Variants in ZNF385D observed in about 807,000 individuals in gnomAD.
ZNF385D encodes the protein zinc finger protein 385D.
ZNF385D carries 15 observed loss-of-function variants against 35.8 expected under a neutral mutation model. The observed-to-expected ratio is 0.42, with a 90% CI of 0.28 to 0.64. ZNF385D has a LOEUF of 0.64. Ranked by LOEUF, ZNF385D falls within the 30% of genes least tolerant of loss-of-function variation. The pLI is 0.23. For missense variants in ZNF385D, 474 were observed against 494.6 expected (o/e 0.96, Z 0.39); for synonymous variants, 212 against 186.8 (o/e 1.13, Z -1.10).
intron 3 of ZNF385D, among the ~76,000 whole-genome samples, chr3:21,793,442 A>G (rs2072011872): frequency 6.6e-6 from 1 of 152,234 alleles, no homozygotes; most frequent in Non-Finnish European, 1.5e-5. Context: ...AATGTATTTG[A>G]AATGCAGATT....
intron 3 of ZNF385D, among the ~76,000 whole-genome samples, chr3:22,058,155 T>C (rs952657275): frequency 6.6e-6 from 1 of 152,072 alleles, no homozygotes; most frequent in Non-Finnish European, 1.5e-5. Context: ...AAAGTATTGG[T>C]AACTCATAAG....
At chr3:21,930,565 T>A (rs1158539169) in intron 3 of ZNF385D, among the ~76,000 whole-genome samples, 1 of 152,098 alleles carries the variant, frequency 6.6e-6, no homozygotes, top group East Asian at 1.9e-4. Context: ...AGAACTTATA[T>A]TTATCAATTG....
At chr3:21,796,184 C>A (rs1606852) in intron 3 of ZNF385D, among the ~76,000 whole-genome samples, 38,523 of 152,004 alleles carry the variant, frequency 0.25, 4,950 homozygotes, top group Middle Eastern at 0.35. Context: ...TATTAGAGAA[C>A]CTCACTGCTG....
chr3:21,669,241 A>G (rs1575429532), intron 1 of ZNF385D, among the ~76,000 whole-genome samples: 1 of 152,350 alleles, frequency 6.6e-6, no homozygotes, highest in South Asian at 2.1e-4. Flanking sequence ...AAAAGCATTT[A>G]TTAGTACAGA....
chr3:22,231,501 G>A (rs1371180704), intron 2 of ZNF385D, among the ~76,000 whole-genome samples: 1 of 152,148 alleles, frequency 6.6e-6, no homozygotes, highest in East Asian at 1.9e-4. Context: ...CTGACAAGAG[G>A]CCGTCTGAAC....
intron 3 of ZNF385D, among the ~76,000 whole-genome samples, chr3:21,798,998 T>C (rs1456341101): frequency 6.6e-6 from 1 of 152,208 alleles, no homozygotes; most frequent in Non-Finnish European, 1.5e-5. Flanking sequence ...ATTAATCTGC[T>C]TTACAGGTCT....
rs576152022 is a variant in ZNF385D at position 21,541,679 on chromosome 3, T to C, written c.276+22895A>G. 3.3e-5 allele frequency among the ~76,000 whole-genome samples: 5 copies of C among 152,298 alleles called. 1 individual carries two copies. Among genetic ancestry groups the C allele is most frequent in the African/African-American group, 1.2e-4 (5 of 41,568 alleles). ...AGGATGAAACTGATTATTTATGATATGCTGAAATAAATTATAACAAAATAT... is the reference window on the plus strand; with the variant it reads ...AGGATGAAACTGATTATTTATGATACGCTGAAATAAATTATAACAAAATAT... On this transcript the variant is annotated intron_variant, in intron 3 of 7. Coordinates refer to ENST00000281523, the MANE Select transcript of ZNF385D (RefSeq NM_024697.3).
intron 3 of ZNF385D, among the ~76,000 whole-genome samples, chr3:22,030,255 T>TTATATATA (rs1559316329): frequency 5.4e-4 from 15 of 27,922 alleles, no homozygotes; most frequent in African/African-American, 2.2e-3. Context: ...ATAAACTCAT[T>TTATATATA]CATATATATA....
intron 2 of ZNF385D, among the ~76,000 whole-genome samples, chr3:22,194,803 T>C (rs1387974356): frequency 3.3e-5 from 5 of 151,920 alleles, no homozygotes; most frequent in Non-Finnish European, 5.9e-5. Flanking sequence ...TTTTAGATAC[T>C]TCCAAATTAT....
intron 5 of ZNF385D, among the ~76,000 whole-genome samples, chr3:21,435,400 G>A (rs1259554997): frequency 1.3e-5 from 2 of 151,872 alleles, no homozygotes; most frequent in East Asian, 3.9e-4. Flanking sequence ...TGCAACTACA[G>A]GCACATGCCA....
intron 1 of ZNF385D, among the ~76,000 whole-genome samples, chr3:21,698,011 G>T (rs749787519): frequency 2.6e-5 from 4 of 152,156 alleles, no homozygotes; most frequent in Non-Finnish European, 5.9e-5. Context: ...ATGTAAATTA[G>T]TGCAACCTCT....
At chr3:21,814,147 G>T (rs1249896117) in intron 3 of ZNF385D, among the ~76,000 whole-genome samples, 2 of 152,184 alleles carry the variant, frequency 1.3e-5, no homozygotes, top group Admixed American at 6.5e-5. Flanking sequence ...ACAAGCAAAT[G>T]CTGAGAGATT....
In ZNF385D at chr3:21,772,344, T is replaced by C. The variant is rs188958835; in HGVS notation, c.326-107316A>G. Reference sequence around the variant, plus strand: ...AATCAAGTATCTGATAACAGATTAATAGCCAGAATATAGAGAGAACTCCTA... The same window carrying C: ...AATCAAGTATCTGATAACAGATTAACAGCCAGAATATAGAGAGAACTCCTA... On this transcript the variant is annotated intron_variant, in intron 3 of 5. Transcript: ENST00000494108. Among the ~76,000 whole-genome samples the C allele has an allele frequency of 3.7e-3, 556 of 151,832 alleles. 4 individuals carry two copies. The highest frequency in any genetic ancestry group is 5.2e-3 in the Non-Finnish European group (351 of 67,854).
intron 5 of ZNF385D, 74 bp downstream of exon 5, chr3:21,436,896 G>T: frequency 7.1e-7 from 1 of 1,400,104 alleles, no homozygotes; most frequent in Non-Finnish European, 9.8e-7. Context: ...GTCCCCTGCT[G>T]CAAAAGATCT....
intron 2 of ZNF385D, among the ~76,000 whole-genome samples, chr3:22,200,753 T>C (rs1023063823): frequency 2.6e-5 from 4 of 152,084 alleles, no homozygotes; most frequent in Admixed American, 1.3e-4. Flanking sequence ...GGACCGTCTA[T>C]AGACCTACCC....
At chr3:21,988,242 G>A (rs28762407) in intron 3 of ZNF385D, among the ~76,000 whole-genome samples, 10,019 of 122,450 alleles carry the variant, frequency 0.082, 792 homozygotes, top group Middle Eastern at 0.15. Flanking sequence ...GAGGAGAGGC[G>A]CTCTGCGTTT....
At chr3:22,293,952 T>A (rs889305733) in intron 2 of ZNF385D, among the ~76,000 whole-genome samples, 1 of 152,088 alleles carries the variant, frequency 6.6e-6, no homozygotes, top group Non-Finnish European at 1.5e-5. Context: ...TCATTTTACC[T>A]ATGTTAAGTT....
At chr3:21,555,856 A>G (rs1342764392) in intron 3 of ZNF385D, among the ~76,000 whole-genome samples, 1 of 152,128 alleles carries the variant, frequency 6.6e-6, no homozygotes, top group Non-Finnish European at 1.5e-5. Flanking sequence ...CTATTTCTCT[A>G]CATCCTCTTC....
chr3:22,257,233 T>C (rs1328376508), intron 2 of ZNF385D, among the ~76,000 whole-genome samples: 1 of 151,828 alleles, frequency 6.6e-6, no homozygotes, highest in Non-Finnish European at 1.5e-5. Flanking sequence ...CATTAGACTG[T>C]ATCACACCCA....
Sources: gnomAD v4.1 joint callset for allele counts (sites outside exome capture counted in the v4.1 genomes callset) on GRCh38, gnomAD v4.1.1 for gene constraint, MANE v1.5 for transcripts, NCBI Gene and HGNC (gene_info 2026-07-23, HGNC 2026-07-21) for gene names.